BBS2: variants seen among roughly 807,000 people sequenced by gnomAD.
BBS2 encodes the protein BBSome complex member BBS2.
Under a neutral mutation model 83.0 loss-of-function variants are expected in BBS2, and 62 were observed. The ratio of observed to expected loss-of-function variants is 0.75; its 90% CI spans 0.61 to 0.92. BBS2 has a LOEUF of 0.92. Ranked by LOEUF, BBS2 falls within the 40% of genes least tolerant of loss-of-function variation. BBS2 has a pLI of 0.00. For missense variants in BBS2, 784 were observed against 901.0 expected, an observed-to-expected ratio of 0.87 and a Z score of 1.66; for synonymous variants, 303 against 326.1, an observed-to-expected ratio of 0.93 and a Z score of 0.76.
chr16:56,470,664 T>TATCAC (rs753037088), exon 18 of BBS2: 11 of 1,614,168 alleles, frequency 6.8e-6, no homozygotes, highest in Non-Finnish European at 8.5e-6. Context: ...AAACCACTGA[T>TATCAC]ATCACTGAAG....
At chr16:56,486,719 C>T (rs1028308204) in intron 15 of BBS2, among the ~76,000 whole-genome samples, 2 of 143,514 alleles carry the variant, frequency 1.4e-5, no homozygotes, top group South Asian at 2.2e-4. Flanking sequence ...GGTATTGATA[C>T]AAACAGTCAC....
chr16:56,474,785 A>G, intron 17 of BBS2: 1 of 1,556,036 alleles, frequency 6.4e-7, no homozygotes, highest in Non-Finnish European at 8.7e-7. Flanking sequence ...CAGTTCTATC[A>G]AGGTTATTTT....
chr16:56,499,963 A>G (rs1964216473), intron 11 of BBS2, 56 bp from the exon 12 acceptor site: 6 of 1,607,902 alleles, frequency 3.7e-6, no homozygotes, highest in Non-Finnish European at 5.1e-6. Context: ...GTTCTTTCAA[A>G]ATGCAAGGCC....
chr16:56,514,471 C>T lies in BBS2; in HGVS notation c.327G>A (p.Ser109=), dbSNP rs770497817. The change falls in exon 2 of 17, where the codon TCG becomes TCA. Residue 109 remains serine (S), a synonymous_variant. Transcript: ENST00000245157. Reference sequence around the variant, plus strand: ...TACTTGCCTCTCTGTAGAACAAATCCGAATTATTGTAGACATCATAAGCCA... The same window carrying T: ...TACTTGCCTCTCTGTAGAACAAATCTGAATTATTGTAGACATCATAAGCCA... ...NLLAYDVYNN[S]DLFYREVADG... 1.6e-5 allele frequency: 26 copies of T among 1,613,844 alleles called. No homozygotes were observed. Among genetic ancestry groups the T allele is most frequent in the Middle Eastern group, 1.6e-4 (1 of 6,084 alleles).
intron 17 of BBS2, chr16:56,476,884 A>G (rs1012348052): frequency 3.9e-5 from 6 of 152,288 alleles, no homozygotes; most frequent in African/African-American, 1.4e-4. Context: ...TAATCCCAGC[A>G]CTTGGGAGGC....
chr16:56,470,675 A>G, exon 18 of BBS2: 1 of 1,614,138 alleles, frequency 6.2e-7, no homozygotes, highest in Non-Finnish European at 8.5e-7. Flanking sequence ...ATCACTGAAG[A>G]AGGGACTAGC....
At chr16:56,512,922 G>A (rs1964618749) in intron 2 of BBS2, among the ~76,000 whole-genome samples, 1 of 152,196 alleles carries the variant, frequency 6.6e-6, no homozygotes, top group Middle Eastern at 3.2e-3. Flanking sequence ...GGAAGCTGAG[G>A]CAGGAAGACT....
At chr16:56,474,810 C>CTTTT in intron 17 of BBS2, 2 of 1,213,302 alleles carry the variant, frequency 1.6e-6, no homozygotes, top group South Asian at 1.5e-5. Flanking sequence ...AGTTTCTCAT[C>CTTTT]TTTTTTTTTT....
Position 56,514,442 on chromosome 16 carries a change from G to A in BBS2, c.345+11C>T. The A allele has an allele frequency of 1.9e-6, 3 of 1,608,802 alleles. No individual in the cohort carries two copies. Among genetic ancestry groups the A allele is most frequent in the Non-Finnish European group, 2.6e-6 (3 of 1,175,306 alleles). On this transcript the variant is annotated intron_variant, in intron 2 of 16. Coordinates refer to ENST00000245157, the MANE Select transcript of BBS2 (RefSeq NM_031885.5). ...TAATGACAATTTTATGGTTATAAAG[G>A]TTATACTTGCCTCTCTGTAGAACAA...
In BBS2 at chr16:56,506,172, G is replaced by C. The variant is rs746753275; in HGVS notation, c.665C>G (p.Ser222Cys). 6.2e-7 allele frequency: 1 copy of C among 1,614,028 alleles called. No individual in the cohort carries two copies. The highest frequency in any genetic ancestry group is 8.5e-7 in the Non-Finnish European group (1 of 1,179,962). Residue 222 changes from serine to cysteine, a missense_variant, in exon 6 of 17, where the codon TCC becomes TGC. By Grantham distance (112) the Ser-to-Cys change is moderately radical (BLOSUM62 -1). Transcript: ENST00000245157. ...MYGSRFGYAL[S>C]NGTVGVYDKT... ...GTCATAAACTCCAACTGTGCCATTG[G>C]AAAGGGCATAACCAAATCGACTGCC...
chr16:56,517,921 G>A (rs1227085476), intron 1 of BBS2, among the ~76,000 whole-genome samples: 1 of 151,862 alleles, frequency 6.6e-6, no homozygotes, highest in African/African-American at 2.4e-5. Context: ...CTAGGTTCAG[G>A]TGATTCTCCT....
chr16:56,489,274 G>A (rs1227826462), intron 15 of BBS2, among the ~76,000 whole-genome samples: 4 of 152,160 alleles, frequency 2.6e-5, no homozygotes, highest in South Asian at 2.1e-4. Flanking sequence ...CTGGGAGGCC[G>A]AGGTTGCAGT....
chr16:56,499,982 A>T lies in BBS2; in HGVS notation c.1398-75T>A, dbSNP rs776615653. 1.9e-6 allele frequency: 3 copies of T among 1,573,040 alleles called. No individual in the cohort carries two copies. In the African/African-American group the frequency reaches 4.0e-5, roughly 21 times the overall value. On this transcript the variant is annotated intron_variant, in intron 11 of 16. Transcript: ENST00000245157. Reference sequence around the variant, plus strand: ...TTTCAAAATGCAAGGCCCAGAAAATAAAGCCACTTCTGGGTCATCAATTGA... The same window carrying T: ...TTTCAAAATGCAAGGCCCAGAAAATTAAGCCACTTCTGGGTCATCAATTGA...
At position 56,498,807 on chromosome 16, in the gene BBS2, A is replaced by G. The variant is rs1002422363; in HGVS notation, c.1528-239T>C. Reference sequence around the variant, plus strand: ...TCACCTATGCTCTTAAGTAACATTCATAATTATGCCTGGCCCCACAGCAGA... The same window carrying G: ...TCACCTATGCTCTTAAGTAACATTCGTAATTATGCCTGGCCCCACAGCAGA... On this transcript the variant is annotated intron_variant, in intron 12 of 16. Transcript: ENST00000245157. 42 of 1,083,600 alleles carry G rather than the reference A, an allele frequency of 3.9e-5. 1 individual carries two copies. The South Asian group carries it at 5.5e-4, about 14-fold the overall frequency. The allele number at this position is 1,083,600 out of a possible 1,614,324, so 67.1% of individuals were successfully genotyped here. A position where few individuals can be genotyped will look rare whatever the true frequency, so the allele number is the denominator to read the frequency against.
chr16:56,492,593 C>T (rs186272626), intron 15 of BBS2, among the ~76,000 whole-genome samples: 132 of 152,144 alleles, frequency 8.7e-4, no homozygotes, highest in Non-Finnish European at 1.4e-3. Context: ...CTATAGTCAA[C>T]GATAATGTAT....
At chr16:56,493,090 A>AAAAAGCAAGG (rs1402006414) in intron 15 of BBS2, among the ~76,000 whole-genome samples, 2 of 152,146 alleles carry the variant, frequency 1.3e-5, no homozygotes, top group African/African-American at 4.8e-5. Context: ...TTTTAAATGT[A>AAAAAGCAAGG]AAAAGCAAGG....
At chr16:56,502,514 C>T (rs558465203) in intron 8 of BBS2, 58 bp from the exon 9 acceptor site, 1 of 1,613,382 alleles carries the variant, frequency 6.2e-7, no homozygotes, top group African/African-American at 1.3e-5. Flanking sequence ...TCATCAATTA[C>T]CTGCTCTTAA....
At chr16:56,480,352 C>CACACACA (rs1289081468), downstream of BBS2, among the ~76,000 whole-genome samples, 1 of 76,590 alleles carries the variant, frequency 1.3e-5, no homozygotes, top group African/African-American at 7.2e-5. Flanking sequence ...CACACACACA[C>CACACACA]AAAAAAAAAA....
downstream of BBS2, among the ~76,000 whole-genome samples, chr16:56,480,356 AAAAAAAAAAC>A (rs1555519786): frequency 4.0e-5 from 4 of 100,772 alleles, no homozygotes; most frequent in South Asian, 3.6e-4. Context: ...CACACACAAA[AAAAAAAAAAC>A]AAAAAAAAAA....
Sources: allele counts gnomAD v4.1 joint callset (sites outside exome capture counted in the v4.1 genomes callset), GRCh38; gene constraint gnomAD v4.1.1; transcripts MANE v1.5; gene names NCBI Gene and HGNC (gene_info 2026-07-23, HGNC 2026-07-21).